The following CHD6 variants were observed in gnomAD, a reference collection of about 807,000 sequenced individuals.
CHD6 encodes ATP-dependent chromatin remodeler CHD6.
A neutral mutation model predicts 276.9 loss-of-function variants in CHD6; 50 were observed. The ratio of observed to expected loss-of-function variants is 0.18; its 90% CI spans 0.14 to 0.23. CHD6 has a LOEUF of 0.23. CHD6 is among the 10% of genes least tolerant of loss of function. The pLI is 1.00. For missense variants in CHD6, 2,564 were observed against 3,365.8 expected (o/e 0.76, Z 5.89); for synonymous variants, 1,173 against 1,229.3 (o/e 0.95, Z 0.96).
rs1392367471 is a variant in CHD6 at position 41,457,125 on chromosome 20, T to C, written c.2829+139A>G. ...CCTGACTCTTAACGATGCCCTGTTGTAGGGAATTACCCAATAATGATGTGA... is the reference window on the plus strand; with the variant it reads ...CCTGACTCTTAACGATGCCCTGTTGCAGGGAATTACCCAATAATGATGTGA... On this transcript the variant is annotated intron_variant, in intron 18 of 36. Coordinates refer to ENST00000373233, the MANE Select transcript of CHD6 (RefSeq NM_032221.5). 4.2e-6 allele frequency: 4 copies of C among 950,154 alleles called. No homozygotes were observed. The African/African-American group carries it at 5.0e-5, about 12-fold the overall frequency. The allele number at this position is 950,154 out of a possible 1,614,324, so 58.9% of individuals were successfully genotyped here.
intron 1 of CHD6, among the ~76,000 whole-genome samples, chr20:41,592,090 C>G (rs1465929888): frequency 6.6e-6 from 1 of 152,130 alleles, no homozygotes; most frequent in African/African-American, 2.4e-5. Flanking sequence ...CAGAGTGAGA[C>G]TCTGTATCAA....
Position 41,473,228 on chromosome 20 carries a change from A to G in CHD6, c.2664+94T>C. On this transcript the variant is annotated intron_variant, in intron 17 of 36. Coordinates refer to ENST00000373233, the MANE Select transcript of CHD6 (RefSeq NM_032221.5). The surrounding 1 kb of genome is among the most constrained non-coding windows in gnomAD (Gnocchi z 4.1). ...TCATCCAGCTGACACCATAGCATAG[A>G]GCATCACGGATGCTCTGTAGCCAAG... The G allele has an allele frequency of 8.5e-7, 1 of 1,183,386 alleles. No homozygotes were observed. Among genetic ancestry groups the G allele is most frequent in the Non-Finnish European group, 1.2e-6 (1 of 824,676 alleles). The allele number at this position is 1,183,386 out of a possible 1,614,324, so 73.3% of individuals were successfully genotyped here. A position where few individuals can be genotyped will look rare whatever the true frequency, so the allele number is the denominator to read the frequency against.
chr20:41,482,360 AT>A (rs1339677916), intron 16 of CHD6, among the ~76,000 whole-genome samples: 1 of 152,134 alleles, frequency 6.6e-6, no homozygotes, highest in East Asian at 1.9e-4. Flanking sequence ...GAATTATTTT[AT>A]TGTCTAATCA....
intron 1 of CHD6, among the ~76,000 whole-genome samples, chr20:41,556,283 AGGGAGAGGGAGACCGTGGGGAGAC>A (rs149509679): frequency 4.3e-5 from 6 of 139,862 alleles, no homozygotes; most frequent in African/African-American, 5.5e-5. Context: ...GAGACGGGAG[AGGGAGAGGGAGACCGTGGGGAGAC>A]GGGAGAGGGA....
chr20:41,613,516 CA>C (rs2045908179), intron 1 of CHD6, among the ~76,000 whole-genome samples: 1 of 152,162 alleles, frequency 6.6e-6, no homozygotes, highest in African/African-American at 2.4e-5. Flanking sequence ...CATGTGATCA[CA>C]GCGAGGGAAG....
intron 1 of CHD6, among the ~76,000 whole-genome samples, chr20:41,555,818 G>A (rs530172069): frequency 6.6e-6 from 1 of 152,260 alleles, no homozygotes; most frequent in South Asian, 2.1e-4. Context: ...TGGGCGGCCA[G>A]GCAGAGACGC....
chr20:41,579,299 G>A (rs565852157), intron 1 of CHD6, among the ~76,000 whole-genome samples: 11 of 151,570 alleles, frequency 7.3e-5, no homozygotes, highest in Non-Finnish European at 1.5e-4. Context: ...TTAGCTGGGC[G>A]TGGTGGCTCA....
Position 41,551,302 on chromosome 20 carries a change from T to C in CHD6, c.33+3A>G. The C allele has an allele frequency of 6.8e-7, 1 of 1,467,636 alleles. No individual in the cohort carries two copies. Among genetic ancestry groups the C allele is most frequent in the Non-Finnish European group, 9.5e-7 (1 of 1,056,340 alleles). The allele number at this position is 1,467,636 out of a possible 1,614,324, so 90.9% of individuals were successfully genotyped here. On this transcript the variant is annotated splice_donor_region_variant and intron_variant, in intron 2 of 36. Coordinates refer to ENST00000373233, the MANE Select transcript of CHD6 (RefSeq NM_032221.5). ...TTCACTTAAAAGAAAAGTGATCACTTACCTGCTTCTCTTTTTTCTGTATTT... is the reference window on the plus strand; with the variant it reads ...TTCACTTAAAAGAAAAGTGATCACTCACCTGCTTCTCTTTTTTCTGTATTT...
chr20:41,541,686 G>A (rs2146111692), intron 2 of CHD6, among the ~76,000 whole-genome samples: 1 of 152,318 alleles, frequency 6.6e-6, no homozygotes, highest in East Asian at 1.9e-4. Context: ...GAAGAAGAGA[G>A]CATTTCAAGA....
In CHD6 at chr20:41,502,265, A is replaced by G. The variant is rs574797382; in HGVS notation, c.853-2908T>C. Among the ~76,000 whole-genome samples, 3 of 152,340 alleles carry G rather than the reference A, an allele frequency of 2.0e-5. No homozygotes were observed. In the East Asian group the frequency reaches 5.8e-4, roughly 29 times the overall value. On this transcript the variant is annotated intron_variant, in intron 5 of 36. Transcript: ENST00000373233. The stretch of plus-strand genomic sequence containing the variant: ...ACATTAAAAAAGTAAAACAGGTGCA[A>G]GTAATTTTAATATATTTCACTTAAA...
intron 5 of CHD6, among the ~76,000 whole-genome samples, chr20:41,503,056 T>C (rs896214450): frequency 6.6e-6 from 1 of 152,180 alleles, no homozygotes; most frequent in African/African-American, 2.4e-5. Flanking sequence ...CCATATGTGC[T>C]ACATCTATTT....
At chr20:41,420,447 C>A in intron 31 of CHD6, 61 bp downstream of exon 31, 1 of 1,521,004 alleles carries the variant, frequency 6.6e-7, no homozygotes. Flanking sequence ...CCCTAAAACC[C>A]AACCCCCCGT....
At chr20:41,551,065 T>C (rs996365295) in intron 2 of CHD6, among the ~76,000 whole-genome samples, 1 of 152,260 alleles carries the variant, frequency 6.6e-6, no homozygotes, top group African/African-American at 2.4e-5. Context: ...ACTTGGCTAA[T>C]TTGAATAATA....
intron 6 of CHD6, among the ~76,000 whole-genome samples, chr20:41,498,514 G>A (rs749704121): frequency 6.6e-6 from 1 of 152,160 alleles, no homozygotes; most frequent in African/African-American, 2.4e-5. Flanking sequence ...AGAAATGTCA[G>A]GACCAGAGCC....
intron 10 of CHD6, among the ~76,000 whole-genome samples, chr20:41,492,736 T>G (rs1568640450): frequency 6.6e-6 from 1 of 152,224 alleles, no homozygotes; most frequent in Admixed American, 6.5e-5. Context: ...GAGCTTAACA[T>G]GGTGAAACAC....
At chr20:41,492,247 G>A (rs1401763261) in intron 10 of CHD6, among the ~76,000 whole-genome samples, 1 of 152,162 alleles carries the variant, frequency 6.6e-6, no homozygotes, top group Non-Finnish European at 1.5e-5. Context: ...ATAGATGACT[G>A]ACAAGTTGAA....
chr20:41,488,979 ACT>A (rs879802206), intron 12 of CHD6, among the ~76,000 whole-genome samples: 7 of 152,040 alleles, frequency 4.6e-5, no homozygotes, highest in Admixed American at 4.6e-4. Flanking sequence ...CCCAAAGGAA[ACT>A]CTCTGCTATT....
chr20:41,532,225 C>T (rs2146067074), intron 3 of CHD6, among the ~76,000 whole-genome samples: 1 of 152,284 alleles, frequency 6.6e-6, no homozygotes, highest in Admixed American at 6.5e-5. Context: ...TCATTATGGT[C>T]TCCTCTGGTC....
intron 25 of CHD6, among the ~76,000 whole-genome samples, chr20:41,443,379 G>A (rs1398370840): frequency 6.6e-6 from 1 of 152,198 alleles, no homozygotes; most frequent in African/African-American, 2.4e-5. Flanking sequence ...GTCTTTTCCA[G>A]GTGAGAAGGC....
Sources: allele counts gnomAD v4.1 joint callset (sites outside exome capture counted in the v4.1 genomes callset), GRCh38; gene constraint gnomAD v4.1.1; non-coding constraint Gnocchi (gnomAD v3.1); transcripts MANE v1.5; gene names NCBI Gene and HGNC (gene_info 2026-07-23, HGNC 2026-07-21).